PHIP: variants seen among roughly 807,000 people sequenced by gnomAD.
PHIP encodes PHIP subunit of CUL4-Ring ligase complex, also known as PH-interacting protein.
PHIP carries 54 observed loss-of-function variants against 236.8 expected under a neutral mutation model. The observed-to-expected ratio is 0.23, with a 90% confidence interval of 0.18 to 0.29. The LOEUF is 0.29. PHIP is among the 10% of genes least tolerant of loss of function. PHIP has a pLI of 1.00. For missense variants in PHIP, 1,370 were observed against 2,190.8 expected (o/e 0.63, Z 7.48); for synonymous variants, 756 against 718.9 (o/e 1.05, Z -0.83).
At chr6:78,954,629 C>A (rs1582099709) in intron 35 of PHIP, among the ~76,000 whole-genome samples, 185 bp downstream of exon 35, 2 of 152,174 alleles carry the variant, frequency 1.3e-5, no homozygotes, top group Admixed American at 1.3e-4. Flanking sequence ...TCATTCAGGG[C>A]TCCTTCCATT....
chr6:79,052,760 T>C (rs1259375732), intron 6 of PHIP, among the ~76,000 whole-genome samples: 1 of 152,108 alleles, frequency 6.6e-6, no homozygotes, highest in Non-Finnish European at 1.5e-5. Context: ...ATATAAAAAC[T>C]TGAAAAGAAC....
At chr6:78,988,858 T>C (rs909545484) in intron 20 of PHIP, among the ~76,000 whole-genome samples, 7 of 152,126 alleles carry the variant, frequency 4.6e-5, no homozygotes, top group African/African-American at 1.7e-4. Context: ...GATAATGGGC[T>C]ATGAGGCATA....
At chr6:78,965,913 G>T in intron 28 of PHIP, 32 bp downstream of exon 28, 1 of 1,493,390 alleles carries the variant, frequency 6.7e-7, no homozygotes, top group Non-Finnish European at 9.3e-7. Flanking sequence ...AGCAAGCCTA[G>T]GTGAACTAAA....
At chr6:79,044,397 C>T (rs1009235535) in intron 6 of PHIP, among the ~76,000 whole-genome samples, 2 of 152,112 alleles carry the variant, frequency 1.3e-5, no homozygotes, top group African/African-American at 2.4e-5. Context: ...TCAATCATAG[C>T]TTAGACCCCA....
intron 9 of PHIP, among the ~76,000 whole-genome samples, chr6:79,024,784 GAC>G (rs1267661188): frequency 6.6e-6 from 1 of 152,114 alleles, no homozygotes; most frequent in Non-Finnish European, 1.5e-5. Flanking sequence ...CAGCCTGGGC[GAC>G]ACAGTGAGAC....
At chr6:79,062,636 T>G (rs9343867) in intron 4 of PHIP, among the ~76,000 whole-genome samples, 45,887 of 152,092 alleles carry the variant, frequency 0.3, 7,037 homozygotes, top group Admixed American at 0.32. Context: ...AAATCCTTAC[T>G]GTAATATTCT....
chr6:78,992,767 C>G (rs1769349170), intron 19 of PHIP, among the ~76,000 whole-genome samples: 1 of 152,132 alleles, frequency 6.6e-6, no homozygotes, highest in African/African-American at 2.4e-5. Context: ...CTAGCCATTG[C>G]CCCATCTTCT....
chr6:78,991,850 T>G (rs1247783612), intron 19 of PHIP, among the ~76,000 whole-genome samples: 1 of 149,198 alleles, frequency 6.7e-6, no homozygotes, highest in Non-Finnish European at 1.5e-5. Flanking sequence ...TTTTTTGTTC[T>G]TAATTTTTTT....
rs36155238 is a variant in PHIP at position 78,940,548 on chromosome 6, G to GTTTTTTTTTTTTTTTT, written c.*129_*144dup. Reference sequence around the variant, plus strand: ...AAGAAGTGAAGTGTCTCGTAAGTTTGTTTTTTTTTTTTTTTTTTTTTTTGC... The same window carrying GTTTTTTTTTTTTTTTT: ...AAGAAGTGAAGTGTCTCGTAAGTTTGTTTTTTTTTTTTTTTTTTTTTTTTTTTTTTTTTTTTTTTGC... On this transcript the variant is annotated 3_prime_UTR_variant, in exon 40 of 40. Transcript: ENST00000275034. 1.2e-5 allele frequency: 1 copy of GTTTTTTTTTTTTTTTT among 82,672 alleles called. No individual in the cohort carries two copies. The highest frequency in any genetic ancestry group is 5.7e-5 in the African/African-American group (1 of 17,662). The allele number at this position is 82,672 out of a possible 1,614,324, so 5.1% of individuals were successfully genotyped here. A position where few individuals can be genotyped will look rare whatever the true frequency, so the allele number is the denominator to read the frequency against.
At chr6:78,996,325 T>C (rs779371043) in intron 19 of PHIP, among the ~76,000 whole-genome samples, 54 of 152,342 alleles carry the variant, frequency 3.5e-4, no homozygotes, top group Middle Eastern at 3.4e-3. Context: ...TTTTTGTTAC[T>C]GATATGGTTT....
intron 4 of PHIP, among the ~76,000 whole-genome samples, chr6:79,076,659 T>A (rs1774175873): frequency 6.6e-6 from 1 of 152,110 alleles, no homozygotes; most frequent in African/African-American, 2.4e-5. Context: ...TAGGCCAAGT[T>A]CCATCCCACA....
chr6:79,019,162 G>T lies in PHIP; in HGVS notation c.924-3C>A, dbSNP rs767472872. 6.2e-7 allele frequency: 1 copy of T among 1,602,732 alleles called. No homozygotes were observed. The highest frequency in any genetic ancestry group is 8.5e-7 in the Non-Finnish European group (1 of 1,170,586). On this transcript the variant is annotated splice_region_variant and splice_polypyrimidine_tract_variant and intron_variant, in intron 9 of 39. Transcript: ENST00000275034. The stretch of plus-strand genomic sequence containing the variant: ...CTGTAAATTTTGCAGGTCTTGGGCT[G>T]TAATACAAAAAATAAAGAATTAAAA...
At chr6:79,024,199 C>T (rs540759546) in intron 9 of PHIP, among the ~76,000 whole-genome samples, 1 of 152,304 alleles carries the variant, frequency 6.6e-6, no homozygotes, top group Admixed American at 6.5e-5. Flanking sequence ...TGTTCATATA[C>T]ATGAAGTTAA....
chr6:78,942,179 T>C (rs958266289), intron 39 of PHIP, among the ~76,000 whole-genome samples: 1 of 152,162 alleles, frequency 6.6e-6, no homozygotes, highest in Non-Finnish European at 1.5e-5. Context: ...AACTGTACTT[T>C]GTAAATAAGA....
In PHIP at chr6:78,945,376, T is replaced by C. The variant is rs753693081; in HGVS notation, c.4752A>G (p.Pro1584=). 5 of 1,613,654 alleles carry C rather than the reference T, an allele frequency of 3.1e-6. No individual in the cohort carries two copies. The African/African-American group carries it at 5.3e-5, about 17-fold the overall frequency. Reference sequence around the variant, plus strand: ...CAGATGACTTCATTTTACGTTTGACTGGCTTTTCCTTTTCCATGTTTTCTT... The same window carrying C: ...CAGATGACTTCATTTTACGTTTGACCGGCTTTTCCTTTTCCATGTTTTCTT... The part of the protein sequence containing the change: ...SAKENMEKEK[P]VKRKMKSSVL... The change falls in exon 39 of 40, where the codon CCA becomes CCG. Residue 1584 remains proline (P), a synonymous_variant. Coordinates refer to ENST00000275034, the MANE Select transcript of PHIP (RefSeq NM_017934.7).
At chr6:79,067,476 T>C (rs569328867) in intron 4 of PHIP, among the ~76,000 whole-genome samples, 43 of 152,244 alleles carry the variant, frequency 2.8e-4, no homozygotes, top group Non-Finnish European at 5.6e-4. Context: ...TATCATGTTA[T>C]ATTATTTAGA....
At chr6:79,044,034 T>C (rs1377624575) in intron 6 of PHIP, among the ~76,000 whole-genome samples, 3 of 152,052 alleles carry the variant, frequency 2.0e-5, no homozygotes, top group African/African-American at 7.2e-5. Context: ...TTGCTTATAT[T>C]ATTCACATCC....
chr6:79,021,346 C>G (rs930147854), intron 9 of PHIP, among the ~76,000 whole-genome samples: 1 of 152,180 alleles, frequency 6.6e-6, no homozygotes, highest in African/African-American at 2.4e-5. Context: ...AGGAGTTTTA[C>G]CATGTTGGCC....
At chr6:78,972,839 A>G (rs1767700199) in intron 24 of PHIP, among the ~76,000 whole-genome samples, 1 of 152,220 alleles carries the variant, frequency 6.6e-6, no homozygotes, top group Non-Finnish European at 1.5e-5. Context: ...AAAAACAATA[A>G]AAAGAAATGA....
Sources: allele counts gnomAD v4.1 joint callset (sites outside exome capture counted in the v4.1 genomes callset), GRCh38; gene constraint gnomAD v4.1.1; transcripts MANE v1.5; gene names NCBI Gene and HGNC (gene_info 2026-07-23, HGNC 2026-07-21).